The following SSPN variants were observed in gnomAD, a reference collection of about 807,000 sequenced individuals.
The protein encoded by SSPN is K-ras oncogene-associated protein.
Under a neutral mutation model 19.1 loss-of-function variants are expected in SSPN, and 15 were observed. That is an observed-to-expected ratio of 0.78 (90% CI 0.52 to 1.21). The LOEUF (loss-of-function observed/expected upper bound fraction) is 1.21. Ranked by LOEUF, SSPN falls within the 50% of genes most tolerant of loss-of-function variation. The probability of loss-of-function intolerance (pLI) is 0.00; values close to 1 mark genes in which losing one functional copy is unlikely to be tolerated. For synonymous variants in SSPN, 147 were observed against 140.3 expected (o/e 1.05, Z -0.34); for missense variants, 291 against 314.0 (o/e 0.93, Z 0.55).
At chr12:26,226,255 C>T (rs1289622057) in intron 2 of SSPN, among the ~76,000 whole-genome samples, 1 of 152,186 alleles carries the variant, frequency 6.6e-6, no homozygotes, top group East Asian at 1.9e-4. Flanking sequence ...TTCCCTTATG[C>T]TTCTCACACT....
intron 1 of SSPN, among the ~76,000 whole-genome samples, chr12:26,150,250 C>T (rs1172263832): frequency 3.9e-5 from 6 of 152,178 alleles, no homozygotes; most frequent in Non-Finnish European, 8.8e-5. Flanking sequence ...AGGTCTCACA[C>T]ATCAGGCTTT....
chr12:26,204,171 CT>C (rs1944910558), intron 1 of SSPN, among the ~76,000 whole-genome samples: 1 of 152,098 alleles, frequency 6.6e-6, no homozygotes, highest in African/African-American at 2.4e-5. Flanking sequence ...CTACGGCTTT[CT>C]TGGAACAGCT....
chr12:26,196,075 C>G, intron 1 of SSPN, 124 bp downstream of exon 1: 5 of 850,822 alleles, frequency 5.9e-6, no homozygotes, highest in Non-Finnish European at 8.3e-6. Context: ...AACTCGCGCT[C>G]TGCTCGGTGA....
intron 1 of SSPN, among the ~76,000 whole-genome samples, chr12:26,208,901 A>G (rs887157864): frequency 2.6e-5 from 4 of 151,992 alleles, no homozygotes; most frequent in Non-Finnish European, 5.9e-5. Flanking sequence ...CCTTAGTTCT[A>G]TTGTTTTATT....
chr12:26,128,383 A>G (rs1944378758), intron 1 of SSPN, among the ~76,000 whole-genome samples: 1 of 152,250 alleles, frequency 6.6e-6, no homozygotes, highest in South Asian at 2.1e-4. Flanking sequence ...GTTGGCATCT[A>G]GCTTCAAATT....
At chr12:26,180,770 A>G (rs1263913104) in intron 1 of SSPN, 1 of 152,242 alleles carries the variant, frequency 6.6e-6, no homozygotes, top group African/African-American at 2.4e-5. Context: ...GTAGACTCAT[A>G]CAGCATCTTC....
chr12:26,204,787 T>C (rs1444749129), intron 1 of SSPN, among the ~76,000 whole-genome samples: 2 of 152,216 alleles, frequency 1.3e-5, no homozygotes, highest in Non-Finnish European at 2.9e-5. Flanking sequence ...CACTAAGTAC[T>C]GTATTGCACA....
intron 1 of SSPN, among the ~76,000 whole-genome samples, chr12:26,173,023 A>T (rs1465845216): frequency 1.3e-5 from 2 of 152,060 alleles, no homozygotes; most frequent in African/African-American, 4.8e-5. Flanking sequence ...AATTCTCCCC[A>T]TTCCCTTTGA....
chr12:26,201,195 G>A (rs1345483200), intron 1 of SSPN, among the ~76,000 whole-genome samples: 1 of 151,074 alleles, frequency 6.6e-6, no homozygotes, highest in Admixed American at 6.6e-5. Flanking sequence ...TGGTCAACAT[G>A]GCAATATCCC....
chr12:26,177,593 C>T (rs1944692486), intron 1 of SSPN, among the ~76,000 whole-genome samples: 1 of 152,204 alleles, frequency 6.6e-6, no homozygotes, highest in African/African-American at 2.4e-5. Context: ...GTTGTACTTA[C>T]TGTGGAGGGC....
At chr12:26,143,111 A>G (rs1944470132) in intron 1 of SSPN, among the ~76,000 whole-genome samples, 1 of 152,240 alleles carries the variant, frequency 6.6e-6, no homozygotes, top group South Asian at 2.1e-4. Context: ...TATTACATTT[A>G]TGACAAATTA....
Position 26,232,933 on chromosome 12 carries a change from T to TGA in SSPN, c.*1857_*1858insGA, listed in dbSNP as rs1485139483. 1 of 14,840 alleles carries TGA rather than the reference T, an allele frequency of 6.7e-5. No individual in the cohort carries two copies. Among genetic ancestry groups the TGA allele is most frequent in the Non-Finnish European group, 1.3e-4 (1 of 7,718 alleles). 0.9% of individuals were successfully genotyped at this position (14,840 alleles called of 1,614,324 possible). On this transcript the variant is annotated 3_prime_UTR_variant, in exon 3 of 3. Coordinates refer to ENST00000242729, the MANE Select transcript of SSPN (RefSeq NM_005086.5). ...GACCTGTAAAATACCTTGTGCCCTA[T>TGA]TAAAAAAAAAAAAAAAAAAAAAGCC...
chr12:26,191,773 A>G (rs1944790303), upstream of SSPN, among the ~76,000 whole-genome samples: 1 of 152,118 alleles, frequency 6.6e-6, no homozygotes. Context: ...TATGGCGGCC[A>G]GCAAGGCATA....
At position 26,140,441 on chromosome 12, in the gene SSPN, C is replaced by T. The variant is rs147028024; in HGVS notation, c.-31+18289C>T. Among the ~76,000 whole-genome samples the T allele has an allele frequency of 1.8e-4, 27 of 152,258 alleles. 1 individual carries two copies. In the East Asian group the frequency reaches 5.0e-3, roughly 28 times the overall value. On this transcript the variant is annotated intron_variant, in intron 1 of 2. Coordinates refer to the SSPN transcript ENST00000538142. Reference sequence around the variant, plus strand: ...TCCTCACCATCTTCAGTGCTGTCACCCTAGTCAAAGCCACTATCTCTCATT... The same window carrying T: ...TCCTCACCATCTTCAGTGCTGTCACTCTAGTCAAAGCCACTATCTCTCATT...
At chr12:26,124,863 G>T (rs142388272) in intron 1 of SSPN, 19 of 1,360,056 alleles carry the variant, frequency 1.4e-5, no homozygotes, top group Non-Finnish European at 2.0e-5. Context: ...GGAGACCTTG[G>T]GGGGATCTGT....
chr12:26,149,763 AT>A (rs1944513968), intron 1 of SSPN, among the ~76,000 whole-genome samples: 1 of 152,234 alleles, frequency 6.6e-6, no homozygotes, highest in Non-Finnish European at 1.5e-5. Context: ...GGGAAAACCC[AT>A]TACTCAATCA....
chr12:26,161,284 A>C (rs1369586638), intron 1 of SSPN, among the ~76,000 whole-genome samples: 1 of 151,300 alleles, frequency 6.6e-6, no homozygotes, highest in Non-Finnish European at 1.5e-5. Context: ...CTGTTTCTTT[A>C]CCCTCACTCC....
At position 26,153,314 on chromosome 12, in the gene SSPN, C is replaced by T. The variant is rs113834751; in HGVS notation, c.-31+31162C>T. On this transcript the variant is annotated intron_variant, in intron 1 of 2. Coordinates refer to the SSPN transcript ENST00000538142. Reference sequence around the variant, plus strand: ...TATTAAGCACTATCTATGTAAGTTTCGCTGCTAATATTATCATCATCATTT... The same window carrying T: ...TATTAAGCACTATCTATGTAAGTTTTGCTGCTAATATTATCATCATCATTT... Among the ~76,000 whole-genome samples, 76 of 152,162 alleles carry T rather than the reference C, an allele frequency of 5.0e-4. 1 individual carries two copies. Among genetic ancestry groups the T allele is most frequent in the Non-Finnish European group, 5.9e-5 (4 of 68,026 alleles).
intron 1 of SSPN, among the ~76,000 whole-genome samples, chr12:26,174,880 TTTTC>T (rs1944675218): frequency 1.3e-5 from 2 of 152,232 alleles, no homozygotes; most frequent in Non-Finnish European, 2.9e-5. Flanking sequence ...TTAGTTTGCG[TTTTC>T]TAGGATTTTA....
Sources: gnomAD v4.1 joint callset for allele counts (sites outside exome capture counted in the v4.1 genomes callset) on GRCh38, gnomAD v4.1.1 for gene constraint, MANE v1.5 for transcripts, NCBI Gene and HGNC (gene_info 2026-07-23, HGNC 2026-07-21) for gene names.